Variants in RAET1G observed in about 807,000 individuals in gnomAD.
RAET1G encodes the protein retinoic acid early transcript 1G.
Under a neutral mutation model 29.5 loss-of-function variants are expected in RAET1G, and 25 were observed. The ratio of observed to expected loss-of-function variants is 0.85; its 90% confidence interval spans 0.62 to 1.18. RAET1G has a LOEUF of 1.18. Among genes scored for constraint, RAET1G ranks in the 50% most tolerant of loss-of-function variants. The pLI, the probability that RAET1G is intolerant of heterozygous loss-of-function variation, is 0.00. For missense variants in RAET1G, 434 were observed against 423.6 expected (o/e 1.02, Z -0.22); for synonymous variants, 167 against 159.5 (o/e 1.05, Z -0.36).
chr6:149,916,881 G>A lies in RAET1G; in HGVS notation c.*31C>T, dbSNP rs749084753. On this transcript the variant is annotated 3_prime_UTR_variant, in exon 5 of 5. Coordinates refer to ENST00000367360, the MANE Select transcript of RAET1G (RefSeq NM_001001788.4). ...AAATAAAGACACAAGACAAAGAGAC[G>A]GAAGAAAAGACAGCTGGGCCCAGGG... 29 of 1,470,158 alleles carry A rather than the reference G, an allele frequency of 2.0e-5. No individual in the cohort carries two copies. The highest frequency in any genetic ancestry group is 2.8e-5 in the South Asian group (2 of 70,450). The allele number at this position is 1,470,158 out of a possible 1,614,324, so 91.1% of individuals were successfully genotyped here. A position where few individuals can be genotyped will look rare whatever the true frequency, so the allele number is the denominator to read the frequency against.
At position 149,918,169 on chromosome 6, in the gene RAET1G, C is replaced by G. The variant is rs762336317; in HGVS notation, c.842+5G>C. The G allele has an allele frequency of 1.2e-6, 2 of 1,613,790 alleles. No homozygotes were observed. Among genetic ancestry groups the G allele is most frequent in the East Asian group, 2.2e-5 (1 of 44,888 alleles). ...TTTGCTCCACTCCCAATTCTGCCCC[C>G]ATACCTGTCACTCCAAAGGACTCTC... is the stretch of plus-strand genomic sequence containing the variant. On this transcript the variant is annotated splice_donor_5th_base_variant and intron_variant, in intron 4 of 4. Coordinates refer to ENST00000367360, the MANE Select transcript of RAET1G (RefSeq NM_001001788.4).
At chr6:149,921,573 A>G (rs1778601632) in intron 1 of RAET1G, among the ~76,000 whole-genome samples, 5 of 152,184 alleles carry the variant, frequency 3.3e-5, no homozygotes, top group South Asian at 4.1e-4. Flanking sequence ...AAGCTGCACA[A>G]GCAGTTGGCC....
intron 1 of RAET1G, among the ~76,000 whole-genome samples, chr6:149,921,696 G>A (rs1486669195): frequency 6.6e-6 from 1 of 152,104 alleles, no homozygotes; most frequent in Non-Finnish European, 1.5e-5. Context: ...CAGCAGCAAA[G>A]GAGGGGAGAG....
chr6:149,922,962 G>A lies in RAET1G; in HGVS notation c.49C>T (p.Leu17Phe), dbSNP rs780299054. ...PAFLLRLPLL[L>F]LLSSWCRTGL... is the part of the protein sequence containing the mutation. The stretch of plus-strand genomic sequence containing the variant: ...GTCCTGCACCAGCTGGACAGCAGGA[G>A]CAGAAGCGGGAGGCGTAGAAGGAAC... The change falls in exon 1 of 5, where the codon CTC (leucine) becomes TTC (phenylalanine). Residue 17 changes from leucine to phenylalanine, a missense_variant. By Grantham distance (22) the Leu-to-Phe change is conservative. Coordinates refer to ENST00000367360, the MANE Select transcript of RAET1G (RefSeq NM_001001788.4). 4.4e-6 allele frequency: 7 copies of A among 1,605,608 alleles called. No homozygotes were observed. The highest frequency in any genetic ancestry group is 5.9e-6 in the Non-Finnish European group (7 of 1,176,802).
At position 149,922,761 on chromosome 6, in the gene RAET1G, T is replaced by C. The variant is rs139608893; in HGVS notation, c.85+165A>G. ...CTCCCCTCGGAGGATAAGTAGCCTC[T>C]GGGAACGGACCCGGCGGGAAGGAGA... On this transcript the variant is annotated intron_variant, in intron 1 of 4. Coordinates refer to ENST00000367360, the MANE Select transcript of RAET1G (RefSeq NM_001001788.4). 2.6e-3 allele frequency among the ~76,000 whole-genome samples: 396 copies of C among 152,260 alleles called. 1 individual carries two copies. Among genetic ancestry groups the C allele is most frequent in the African/African-American group, 9.2e-3 (384 of 41,554 alleles).
At chr6:149,918,556 T>C (rs1443012386) in intron 3 of RAET1G, among the ~76,000 whole-genome samples, 172 bp from the exon 4 acceptor site, 1 of 151,982 alleles carries the variant, frequency 6.6e-6, no homozygotes, top group Non-Finnish European at 1.5e-5. Flanking sequence ...GGGTGTCCCT[T>C]GGCCTCAGGG....
At chr6:149,922,230 G>A (rs1163465829) in intron 1 of RAET1G, among the ~76,000 whole-genome samples, 3 of 152,172 alleles carry the variant, frequency 2.0e-5, no homozygotes, top group Non-Finnish European at 2.9e-5. Context: ...GTTTGCTGGG[G>A]TGTGTCCTCA....
In RAET1G at chr6:149,918,185, A is replaced by C. The variant is rs752507464; in HGVS notation, c.831T>G (p.Leu277=). Residue 277 remains leucine, a synonymous_variant, in exon 4 of 5, where the codon CTT becomes CTG. Transcript: ENST00000367360. ...LHPTWLLRRV[L]WSDSYQIAKR... is the part of the protein sequence containing the mutation. ...TTCTGCCCCCATACCTGTCACTCCA[A>C]AGGACTCTCCTCAGCAGCCAGGTAG... The C allele has an allele frequency of 1.9e-6, 3 of 1,614,006 alleles. No homozygotes were observed. The highest frequency in any genetic ancestry group is 4.5e-5 in the East Asian group (2 of 44,866).
chr6:149,918,921 G>A, intron 3 of RAET1G, 122 bp downstream of exon 3: 8 of 1,509,932 alleles, frequency 5.3e-6, no homozygotes, highest in Non-Finnish European at 6.2e-6. Context: ...AGCACCCCAC[G>A]AGGAGGTCAT....
At chr6:149,918,895 C>T (rs1012842439) in intron 3 of RAET1G, 148 bp downstream of exon 3, 18 of 1,305,330 alleles carry the variant, frequency 1.4e-5, no homozygotes, top group Non-Finnish European at 1.9e-5. Context: ...ACAGGCACGC[C>T]AGCACCCCCA....
chr6:149,919,728 T>A lies in RAET1G; in HGVS notation c.174A>T (p.Glu58Asp). 6.2e-7 allele frequency: 1 copy of A among 1,613,600 alleles called. No individual in the cohort carries two copies. Among genetic ancestry groups the A allele is most frequent in the Non-Finnish European group, 8.5e-7 (1 of 1,179,874 alleles). The stretch of plus-strand genomic sequence containing the variant: ...CACAGTCATAGTGAAGAAAAGTCTT[T>A]TCATCCACCTGGCCTTGAACCGCAC... ...RWCAVQGQVD[E>D]KTFLHYDCGS... Residue 58 changes from glutamate (E) to aspartate (D), a missense_variant, in exon 2 of 5, where the codon GAA (glutamate) becomes GAT (aspartate). Glu to Asp is a conservative substitution (Grantham distance 45, BLOSUM62 2). Transcript: ENST00000367360.
chr6:149,918,465 G>A, intron 3 of RAET1G, 81 bp from the exon 4 acceptor site: 1 of 1,470,600 alleles, frequency 6.8e-7, no homozygotes, highest in Non-Finnish European at 9.5e-7. Context: ...TGCTGACCCA[G>A]GTCATCCTGG....
rs201560845 is a variant in RAET1G at position 149,919,503 on chromosome 6, A to C, written c.349+50T>G. On this transcript the variant is annotated intron_variant, in intron 2 of 4. Transcript: ENST00000367360. The stretch of plus-strand genomic sequence containing the variant: ...TTACATGAAAACTATAAATGCCTCT[A>C]ACCTACCACTGTATCTGCTCCCTGC... The C allele has an allele frequency of 5.2e-5, 84 of 1,613,970 alleles. No individual in the cohort carries two copies. In the East Asian group the frequency reaches 1.5e-3, roughly 30 times the overall value.
Position 149,919,159 on chromosome 6 carries a change from C to A in RAET1G, c.515G>T (p.Trp172Leu). Residue 172 changes from tryptophan (W) to leucine (L), a missense_variant, in exon 3 of 5, where the codon TGG becomes TTG. Transcript: ENST00000367360. ...HPGARKMKEK[W>L]ENDKDMTMSF... ...CATGGTCATATCCTTGTCATTCTCC[C>A]ACTTTTCTTTCATCTTTCTGGCTCC... The A allele has an allele frequency of 6.2e-7, 1 of 1,614,194 alleles. No individual in the cohort carries two copies. Among genetic ancestry groups the A allele is most frequent in the East Asian group, 2.2e-5 (1 of 44,888 alleles).
rs1281394768 is a variant in RAET1G, at chr6:149,919,650, T to C, written c.252A>G (p.Thr84=). Residue 84 remains threonine (T), a synonymous_variant, in exon 2 of 5, where the codon ACA becomes ACG. Coordinates refer to ENST00000367360, the MANE Select transcript of RAET1G (RefSeq NM_001001788.4). ...CTGGGTTCTGTGCTTTCCAGGCCGT[T>C]GTGACATTTAGTTTCTTCCCCAGGG... The part of the protein sequence containing the change: ...VSPLGKKLNV[T]TAWKAQNPVL... 6 of 1,614,018 alleles carry C rather than the reference T, an allele frequency of 3.7e-6. No homozygotes were observed. The highest frequency in any genetic ancestry group is 5.1e-6 in the Non-Finnish European group (6 of 1,179,874).
At position 149,916,993 on chromosome 6, in the gene RAET1G, G is replaced by C. The variant is rs1248796051; in HGVS notation, c.924C>G (p.Ser308=). The change falls in exon 5 of 5, where the codon TCC becomes TCG. Residue 308 remains serine (S), a synonymous_variant. Transcript: ENST00000367360. ...TLPIIGDDSH[S]LPCPLALYTI... ...TATACAAGGCAAGAGGGCAGGGTAA[G>C]GAGTGTGAGTCGTCTCCAATGATAG... 1.3e-6 allele frequency: 2 copies of C among 1,550,910 alleles called. No homozygotes were observed. The highest frequency in any genetic ancestry group is 1.7e-6 in the Non-Finnish European group (2 of 1,146,538).
rs1778554141 is a variant in RAET1G, at chr6:149,919,795, T to A, written c.107A>T (p.Asp36Val). 3 of 1,611,970 alleles carry A rather than the reference T, an allele frequency of 1.9e-6. No individual in the cohort carries two copies. The highest frequency in any genetic ancestry group is 2.5e-6 in the Non-Finnish European group (3 of 1,179,824). Residue 36 changes from aspartate (D) to valine (V), a missense_variant, in exon 2 of 5, where the codon GAC (aspartate) becomes GTC (valine). Asp to Val is a radical substitution (Grantham distance 152, BLOSUM62 -3). Coordinates refer to ENST00000367360, the MANE Select transcript of RAET1G (RefSeq NM_001001788.4). Reference sequence around the variant, plus strand: ...TCTGAACTTAGGGATGACGGTGATGTCATAGCAAAGAGAGTGAGGGTCTGT... The same window carrying A: ...TCTGAACTTAGGGATGACGGTGATGACATAGCAAAGAGAGTGAGGGTCTGT... Reference protein sequence around the residue: ...GLADPHSLCYDITVIPKFRPG... With the variant: ...GLADPHSLCYVITVIPKFRPG...
At chr6:149,922,833 G>T (rs1778625546) in intron 1 of RAET1G, 93 bp downstream of exon 1, 16 of 841,992 alleles carry the variant, frequency 1.9e-5, no homozygotes, top group Non-Finnish European at 2.5e-5. Context: ...GATCGCACGG[G>T]TCCTTCCAGA....
Position 149,918,211 on chromosome 6 carries a change from G to A in RAET1G, c.805C>T (p.Pro269Ser), listed in dbSNP as rs1339911256. The A allele has an allele frequency of 1.2e-6, 2 of 1,614,208 alleles. No individual in the cohort carries two copies. Among genetic ancestry groups the A allele is most frequent in the South Asian group, 1.1e-5 (1 of 91,090 alleles). ...AGGACTCTCCTCAGCAGCCAGGTAG[G>A]ATGAAGCAGGGGAGGATGAGGAGGA... ...QPPPHPPLLHPTWLLRRVLWS... is the reference protein window; with the variant it reads ...QPPPHPPLLHSTWLLRRVLWS... Residue 269 changes from proline to serine, a missense_variant, in exon 4 of 5, where the codon CCT becomes TCT. Transcript: ENST00000367360.
Sources: allele counts gnomAD v4.1 joint callset (sites outside exome capture counted in the v4.1 genomes callset), GRCh38; gene constraint gnomAD v4.1.1; transcripts MANE v1.5; gene names NCBI Gene and HGNC (gene_info 2026-07-23, HGNC 2026-07-21).